The following USP32 variants were observed in gnomAD, a reference collection of about 807,000 sequenced individuals.
USP32 encodes the protein ubiquitin specific peptidase 32.
Under a neutral mutation model 204.8 loss-of-function variants are expected in USP32, and 59 were observed. That is an observed-to-expected ratio of 0.29 (90% CI 0.23 to 0.36). The LOEUF is 0.36. USP32 is among the 10% of genes least tolerant of loss of function. USP32 has a pLI of 1.00. For missense variants in USP32, 1,160 were observed against 1,946.4 expected (o/e 0.60, Z 7.60); for synonymous variants, 517 against 678.4 (o/e 0.76, Z 3.70).
chr17:60,291,193 T>C (rs868146495), intron 4 of USP32, among the ~76,000 whole-genome samples: 16 of 152,300 alleles, frequency 1.1e-4, no homozygotes, highest in Middle Eastern at 3.4e-3. Flanking sequence ...CTAAGTGAAA[T>C]ACAAAGTAAT....
At chr17:60,222,306 A>T in intron 15 of USP32, 103 bp downstream of exon 15, 1 of 1,321,294 alleles carries the variant, frequency 7.6e-7, no homozygotes, top group South Asian at 1.5e-5. Context: ...TTCTACCACA[A>T]GGTAAGAGCT....
intron 28 of USP32, 26 bp from the exon 29 acceptor site, chr17:60,190,709 A>T: frequency 6.3e-7 from 1 of 1,576,472 alleles, no homozygotes; most frequent in Non-Finnish European, 8.5e-7. Flanking sequence ...AGATCCACAG[A>T]GGAAGAAATA....
chr17:60,218,553 T>C (rs949339584), intron 16 of USP32, among the ~76,000 whole-genome samples: 6 of 152,040 alleles, frequency 3.9e-5, no homozygotes, highest in Non-Finnish European at 7.4e-5. Flanking sequence ...TATAATAACA[T>C]GCTGGTATTG....
intron 1 of USP32, among the ~76,000 whole-genome samples, chr17:60,381,980 T>C (rs888081861): frequency 1.2e-4 from 19 of 152,250 alleles, no homozygotes; most frequent in Non-Finnish European, 2.5e-4. Flanking sequence ...TTACTTTTTT[T>C]GTGTGTATGT....
chr17:60,383,725 CA>C (rs2089684561), intron 1 of USP32, among the ~76,000 whole-genome samples: 1 of 152,142 alleles, frequency 6.6e-6, no homozygotes, highest in Non-Finnish European at 1.5e-5. Flanking sequence ...GGCTGCAAGC[CA>C]GAATAGGTTC....
intron 2 of USP32, chr17:60,316,250 CAAAA>C: frequency 7.0e-6 from 1 of 142,936 alleles, no homozygotes; most frequent in Non-Finnish European, 1.5e-5. Context: ...ATTTCATTCT[CAAAA>C]AAAAAAAAAA....
chr17:60,336,575 G>C (rs2088522595), intron 2 of USP32, among the ~76,000 whole-genome samples: 1 of 143,772 alleles, frequency 7.0e-6, no homozygotes, highest in Non-Finnish European at 1.5e-5. Context: ...AATTAGCCGG[G>C]CGTAGTGGCG....
Position 60,229,219 on chromosome 17 carries a change from T to C in USP32, c.1240-2988A>G, listed in dbSNP as rs1389068417. On this transcript the variant is annotated intron_variant, in intron 12 of 33. Coordinates refer to ENST00000300896, the MANE Select transcript of USP32 (RefSeq NM_032582.4). The stretch of plus-strand genomic sequence containing the variant: ...CATGCCCAACTAATTTTTAAAGTTT[T>C]CATAGAGATGGGGTCTCAATATGTT... Among the ~76,000 whole-genome samples the C allele has an allele frequency of 7.2e-5, 11 of 152,234 alleles. 1 individual carries two copies. In the South Asian group the frequency reaches 2.1e-3, roughly 29 times the overall value.
At chr17:60,374,132 A>G (rs2089495845) in intron 1 of USP32, among the ~76,000 whole-genome samples, 1 of 151,936 alleles carries the variant, frequency 6.6e-6, no homozygotes, top group Non-Finnish European at 1.5e-5. Flanking sequence ...TGCAGTGTGC[A>G]GAGATCACAC....
intron 8 of USP32, among the ~76,000 whole-genome samples, 161 bp from the exon 9 acceptor site, chr17:60,265,635 T>C (rs1166742543): frequency 1.3e-5 from 2 of 152,232 alleles, no homozygotes; most frequent in Non-Finnish European, 2.9e-5. Flanking sequence ...TGGGCTAAAG[T>C]GATCCTCCAG....
chr17:60,293,452 C>T (rs746215934), intron 4 of USP32, among the ~76,000 whole-genome samples: 5 of 152,108 alleles, frequency 3.3e-5, no homozygotes, highest in Admixed American at 1.3e-4. Context: ...TAGCTCAGTT[C>T]GTCCTGAAGT....
At chr17:60,415,672 C>G (rs1369959901) in intron 1 of USP32, among the ~76,000 whole-genome samples, 1 of 152,148 alleles carries the variant, frequency 6.6e-6, no homozygotes, top group Non-Finnish European at 1.5e-5. Context: ...CTTGGCTTAG[C>G]TGGGAGGTGC....
chr17:60,391,753 C>G, intron 1 of USP32, 129 bp downstream of exon 1: 2 of 1,019,064 alleles, frequency 2.0e-6, no homozygotes, highest in African/African-American at 1.6e-5. Flanking sequence ...CTCCCCAAGG[C>G]CGGCCGCCTT....
intron 1 of USP32, among the ~76,000 whole-genome samples, chr17:60,420,598 C>A (rs2090103652): frequency 6.6e-6 from 1 of 152,064 alleles, no homozygotes; most frequent in Non-Finnish European, 1.5e-5. Context: ...ACCCGAGAGG[C>A]GGAAGTTGCA....
At chr17:60,335,111 G>A (rs1486682422) in intron 2 of USP32, among the ~76,000 whole-genome samples, 1 of 142,344 alleles carries the variant, frequency 7.0e-6, no homozygotes, top group Non-Finnish European at 1.5e-5. Context: ...AAGTAGCTGA[G>A]ACTACAGGCG....
At chr17:60,318,971 T>C (rs907902158) in intron 2 of USP32, among the ~76,000 whole-genome samples, 1 of 152,236 alleles carries the variant, frequency 6.6e-6, no homozygotes, top group Non-Finnish European at 1.5e-5. Context: ...AACATTATGC[T>C]AAGTGAAATA....
At chr17:60,370,618 T>G (rs1343937180) in intron 1 of USP32, among the ~76,000 whole-genome samples, 1 of 151,320 alleles carries the variant, frequency 6.6e-6, no homozygotes, top group African/African-American at 2.4e-5. Context: ...ACAAAAAAAA[T>G]TAGCTGGGCA....
intron 1 of USP32, among the ~76,000 whole-genome samples, chr17:60,417,781 ATTTATT>A (rs200504332): frequency 0.052 from 7,823 of 149,642 alleles, 253 homozygotes; most frequent in Middle Eastern, 0.089. Context: ...TTATGTATTT[ATTTATT>A]TTTATTTTTA....
At chr17:60,324,405 G>T (rs2088182433) in intron 2 of USP32, among the ~76,000 whole-genome samples, 1 of 151,940 alleles carries the variant, frequency 6.6e-6, no homozygotes, top group South Asian at 2.1e-4. Flanking sequence ...CTATCTCAGT[G>T]TCTTCCACAT....
Sources: allele counts gnomAD v4.1 joint callset (sites outside exome capture counted in the v4.1 genomes callset), GRCh38; gene constraint gnomAD v4.1.1; transcripts MANE v1.5; gene names NCBI Gene and HGNC (gene_info 2026-07-23, HGNC 2026-07-21).